Variants in PHF19 observed in about 807,000 individuals in gnomAD.
The protein encoded by PHF19 is PHD finger protein 19.
Under a neutral mutation model 79.8 loss-of-function variants are expected in PHF19, and 21 were observed. The observed-to-expected ratio is 0.26, with a 90% confidence interval of 0.19 to 0.38. The LOEUF is 0.38. PHF19 is among the 10% of genes least tolerant of loss of function. The pLI is 1.00. For missense variants in PHF19, 445 were observed against 744.2 expected, an observed-to-expected ratio of 0.60 and a Z score of 4.68; for synonymous variants, 273 against 296.3, an observed-to-expected ratio of 0.92 and a Z score of 0.81.
In PHF19 at chr9:120,858,015, A is replaced by G. The variant is rs1032149042; in HGVS notation, c.1672T>C (p.Leu558=). 2 of 1,614,132 alleles carry G rather than the reference A, an allele frequency of 1.2e-6. No homozygotes were observed. Among genetic ancestry groups the G allele is most frequent in the Admixed American group, 1.7e-5 (1 of 60,014 alleles). The part of the protein sequence containing the change: ...RLACGEKYQV[L]ARRVTPEGKV... ...CCCTCAGGTGTGACCCTCCGAGCCA[A>G]CACCTGGTACTTCTCCCCACAGGCC... Residue 558 remains leucine (L), a synonymous_variant, in exon 15 of 15, where the codon TTG becomes CTG. Transcript: ENST00000373896.
At chr9:120,902,520 GGGC>G in the PHF19 span, 2 of 144,958 alleles carry the variant, frequency 1.4e-5, no homozygotes, top group East Asian at 4.3e-4. Context: ...GTGGGGGGGG[GGGC>G]GGTGGGCACT....
upstream of PHF19, among the ~76,000 whole-genome samples, chr9:120,895,299 C>T (rs1410561262): frequency 6.6e-6 from 1 of 151,938 alleles, no homozygotes; most frequent in Non-Finnish European, 1.5e-5. Flanking sequence ...AGAACTGTCC[C>T]CTTAATCCCG....
At position 120,866,742 on chromosome 9, in the gene PHF19, G is replaced by T; in HGVS notation, c.710+128C>A. The T allele has an allele frequency of 4.6e-6, 3 of 649,456 alleles. No individual in the cohort carries two copies. The highest frequency in any genetic ancestry group is 8.6e-6 in the Non-Finnish European group (3 of 348,554). 40.2% of individuals were successfully genotyped at this position (649,456 alleles called of 1,614,324 possible). ...TACCTTGAGCTGCCTCCAGTAAACA[G>T]GTAGGCATACATTGTCACAGACCTC... On this transcript the variant is annotated intron_variant, in intron 7 of 14. Transcript: ENST00000373896. This position sits in a 1 kb window ranked among gnomAD's most constrained non-coding sequence, Gnocchi z 5.2.
Position 120,858,289 on chromosome 9 carries a change from G to A in PHF19, c.1401-3C>T, listed in dbSNP as rs757050291. ...TCTTTCGGCTGCCCACTGTCCATCT[G>A]TATCAGAAGTGGGAGAGGAAGATGA... On this transcript the variant is annotated splice_polypyrimidine_tract_variant and splice_region_variant and intron_variant, in intron 14 of 14. Coordinates refer to ENST00000373896, the MANE Select transcript of PHF19 (RefSeq NM_015651.3). 2.0e-6 allele frequency: 3 copies of A among 1,518,146 alleles called. No individual in the cohort carries two copies. The highest frequency in any genetic ancestry group is 2.1e-5 in the Admixed American group (1 of 47,928). The allele number at this position is 1,518,146 out of a possible 1,614,324, so 94.0% of individuals were successfully genotyped here.
chr9:120,877,828 A>G (rs1457762229), upstream of PHF19, among the ~76,000 whole-genome samples: 2 of 152,244 alleles, frequency 1.3e-5, no homozygotes, highest in Non-Finnish European at 2.9e-5. Flanking sequence ...ACAGGACACA[A>G]ACACACCACA....
intron 3 of PHF19, among the ~76,000 whole-genome samples, chr9:120,872,410 C>T (rs1371151441): frequency 5.3e-5 from 8 of 152,256 alleles, no homozygotes; most frequent in Non-Finnish European, 8.8e-5. Flanking sequence ...ATGTGGTGGG[C>T]CTCCACAGGA....
chr9:120,895,824 T>G (rs1224267106), upstream of PHF19, among the ~76,000 whole-genome samples: 1 of 152,178 alleles, frequency 6.6e-6, no homozygotes, highest in East Asian at 1.9e-4. Flanking sequence ...AGCTAATTTT[T>G]GTATTTTTAG....
chr9:120,899,158 C>G (rs1324467056), upstream of PHF19, among the ~76,000 whole-genome samples: 3 of 149,832 alleles, frequency 2.0e-5, no homozygotes, highest in Non-Finnish European at 4.4e-5. Context: ...AAGATTGGAC[C>G]ACTGCACTCC....
At chr9:120,877,322 C>G (rs2046096049), upstream of PHF19, 1 of 980,870 alleles carries the variant, frequency 1.0e-6, no homozygotes, top group Non-Finnish European at 1.2e-6. Context: ...GGGGCGCCAT[C>G]TTTTTCGCGT....
rs2131497946 is a variant in PHF19, at chr9:120,862,623, G to A, written c.1095C>T (p.Ser365=). ...KGLLPNENSA[S]SELRKRGKSK... is the part of the protein sequence containing the mutation. ...TCTTTCCTCTCTTACGCAGCTCAGA[G>A]GAGGCGCTGTTCTCATTTGGCAGCA... is the stretch of plus-strand genomic sequence containing the variant. The change falls in exon 11 of 15, where the codon TCC becomes TCT. Residue 365 remains serine (S), a synonymous_variant. Coordinates refer to ENST00000373896, the MANE Select transcript of PHF19 (RefSeq NM_015651.3). The surrounding 1 kb of genome is among the most constrained non-coding windows in gnomAD (Gnocchi z 4.6). The A allele has an allele frequency of 6.2e-7, 1 of 1,614,110 alleles. No individual in the cohort carries two copies. The highest frequency in any genetic ancestry group is 1.1e-5 in the South Asian group (1 of 91,074).
At chr9:120,861,476 A>C (rs2045522633) in intron 12 of PHF19, among the ~76,000 whole-genome samples, 1 of 152,206 alleles carries the variant, frequency 6.6e-6, no homozygotes, top group Non-Finnish European at 1.5e-5. Context: ...CAGTAAAATT[A>C]AATAATGCTT....
rs1172436788 is a variant in PHF19 at position 120,867,995 on chromosome 9, C to T, written c.615-1030G>A. 2.6e-5 allele frequency among the ~76,000 whole-genome samples: 4 copies of T among 152,218 alleles called. No homozygotes were observed. The East Asian group carries it at 5.8e-4, about 22-fold the overall frequency. On this transcript the variant is annotated intron_variant, in intron 6 of 14. Coordinates refer to ENST00000373896, the MANE Select transcript of PHF19 (RefSeq NM_015651.3). ...GCAGAGCCAGGACAAGAATTCCCTC[C>T]ACAGTGGCCCCGACATAGCATGCCC...
At chr9:120,899,544 C>T (rs1203830750), upstream of PHF19, among the ~76,000 whole-genome samples, 1 of 151,970 alleles carries the variant, frequency 6.6e-6, no homozygotes, top group South Asian at 2.1e-4. Context: ...TACACTGGCA[C>T]CCCCACAGTG....
upstream of PHF19, chr9:120,877,478 C>T (rs1015499854): frequency 9.9e-4 from 499 of 504,418 alleles, no homozygotes; most frequent in Non-Finnish European, 1.2e-3. Flanking sequence ...CCTCCGCGGC[C>T]ACTAGCCAGG....
chr9:120,887,785 T>C (rs1434072493), intron 1 of PHF19, among the ~76,000 whole-genome samples: 4 of 152,104 alleles, frequency 2.6e-5, no homozygotes, highest in Non-Finnish European at 4.4e-5. Flanking sequence ...GTAGGTTAGG[T>C]ATATTAAATG....
the PHF19 span, among the ~76,000 whole-genome samples, chr9:120,902,112 C>T: frequency 3.7e-4 from 57 of 152,158 alleles, no homozygotes; most frequent in Admixed American, 9.8e-4. Flanking sequence ...CACGTGCCCC[C>T]GAAAAGCCCA....
Position 120,874,880 on chromosome 9 carries a change from T to C in PHF19, c.-15-124A>G, listed in dbSNP as rs2046003169. ...AAGCCAGACTTGGTTATTATCTCAC[T>C]GATTCCTCGTGACCATCCTATGAGG... On this transcript the variant is annotated intron_variant, in intron 1 of 14. Coordinates refer to ENST00000373896, the MANE Select transcript of PHF19 (RefSeq NM_015651.3). The surrounding 1 kb of genome is among the most constrained non-coding windows in gnomAD (Gnocchi z 4.5). The C allele has an allele frequency of 3.3e-6, 2 of 615,366 alleles. No individual in the cohort carries two copies. Among genetic ancestry groups the C allele is most frequent in the Non-Finnish European group, 5.8e-6 (2 of 345,970 alleles). The allele number at this position is 615,366 out of a possible 1,614,324, so 38.1% of individuals were successfully genotyped here.
rs1051815037 is a variant in PHF19 at position 120,860,654 on chromosome 9, A to C, written c.1304+435T>G. On this transcript the variant is annotated intron_variant, in intron 13 of 14. Transcript: ENST00000373896. The surrounding 1 kb of genome is among the most constrained non-coding windows in gnomAD (Gnocchi z 4.1). ...AATGACCTTTAATAATTTGGAAAAT[A>C]AAATGATGGAAGATGCAGTTCCTCC... 1.3e-5 allele frequency: 3 copies of C among 224,408 alleles called. No homozygotes were observed. Among genetic ancestry groups the C allele is most frequent in the Admixed American group, 1.0e-4 (2 of 19,662 alleles). The allele number at this position is 224,408 out of a possible 1,614,324, so 13.9% of individuals were successfully genotyped here.
Position 120,866,556 on chromosome 9 carries a change from C to T in PHF19, c.710+314G>A, listed in dbSNP as rs552419366. Among the ~76,000 whole-genome samples the T allele has an allele frequency of 3.3e-5, 5 of 152,312 alleles. No individual in the cohort carries two copies. Among genetic ancestry groups the T allele is most frequent in the East Asian group, 1.9e-4 (1 of 5,178 alleles). On this transcript the variant is annotated intron_variant, in intron 7 of 14. Transcript: ENST00000373896. This position sits in a 1 kb window ranked among gnomAD's most constrained non-coding sequence, Gnocchi z 5.2. ...CCACAGCAACCCTGGGCAGGGCTGG[C>T]GCAAGGACTGTGTCATCCCTTCTTC...
Sources: allele counts gnomAD v4.1 joint callset (sites outside exome capture counted in the v4.1 genomes callset), GRCh38; gene constraint gnomAD v4.1.1; non-coding constraint Gnocchi (gnomAD v3.1); transcripts MANE v1.5; gene names NCBI Gene and HGNC (gene_info 2026-07-23, HGNC 2026-07-21).